DIAPH3: variants seen among roughly 807,000 people sequenced by gnomAD.
DIAPH3 encodes the protein diaphanous related formin 3.
DIAPH3 carries 117 observed loss-of-function variants against 144.3 expected under a neutral mutation model. The ratio of observed to expected loss-of-function variants is 0.81; its 90% CI spans 0.70 to 0.95. The LOEUF (loss-of-function observed/expected upper bound fraction) is 0.95. Ranked by LOEUF, DIAPH3 falls within the 40% of genes least tolerant of loss-of-function variation. The pLI, the probability that DIAPH3 is intolerant of heterozygous loss-of-function variation, is 0.00. For synonymous variants in DIAPH3, 519 were observed against 488.9 expected (o/e 1.06, Z -0.81); for missense variants, 1,421 against 1,412.7 (o/e 1.01, Z -0.09).
At chr13:59,745,379 G>C (rs578009774) in intron 27 of DIAPH3, among the ~76,000 whole-genome samples, 7 of 152,142 alleles carry the variant, frequency 4.6e-5, no homozygotes, top group Non-Finnish European at 8.8e-5. Context: ...TCCAATAGGG[G>C]ATCAGCAAAA....
intron 20 of DIAPH3, among the ~76,000 whole-genome samples, chr13:59,908,175 C>T (rs1437374042): frequency 3.3e-5 from 5 of 151,736 alleles, no homozygotes; most frequent in Non-Finnish European, 1.5e-5. Flanking sequence ...TCAAGACCAT[C>T]CTGGCCAACA....
intron 24 of DIAPH3, among the ~76,000 whole-genome samples, chr13:59,818,265 G>A (rs954040025): frequency 6.6e-6 from 1 of 151,838 alleles, no homozygotes; most frequent in South Asian, 2.1e-4. Context: ...ACATAAGGAT[G>A]TTGATGAAAA....
chr13:60,046,480 C>T (rs1404074021), intron 4 of DIAPH3, among the ~76,000 whole-genome samples: 6 of 152,154 alleles, frequency 3.9e-5, no homozygotes, highest in Non-Finnish European at 7.3e-5. Context: ...ACAACAGATG[C>T]TGGAGAGGAT....
intron 25 of DIAPH3, among the ~76,000 whole-genome samples, chr13:59,787,760 C>G (rs764458910): frequency 6.6e-6 from 1 of 152,148 alleles, no homozygotes; most frequent in Non-Finnish European, 1.5e-5. Flanking sequence ...TGTTCCCCCC[C>G]AACCCCAAAT....
intron 4 of DIAPH3, among the ~76,000 whole-genome samples, chr13:60,051,772 T>C (rs1015246843): frequency 6.6e-6 from 1 of 152,134 alleles, no homozygotes; most frequent in Non-Finnish European, 1.5e-5. Context: ...TGGTACCTTG[T>C]CAGATCTGAT....
At chr13:59,949,207 C>G (rs370917968) in intron 17 of DIAPH3, among the ~76,000 whole-genome samples, 7 of 152,240 alleles carry the variant, frequency 4.6e-5, no homozygotes, top group African/African-American at 1.4e-4. Context: ...AAAACTGGCA[C>G]ATGTTAAAGT....
At chr13:60,126,846 A>G (rs1450828024) in intron 2 of DIAPH3, among the ~76,000 whole-genome samples, 1 of 152,134 alleles carries the variant, frequency 6.6e-6, no homozygotes, top group Non-Finnish European at 1.5e-5. Context: ...CAATTCAATA[A>G]AATTTTGTGG....
At chr13:59,919,292 T>C (rs2047397510) in intron 18 of DIAPH3, among the ~76,000 whole-genome samples, 1 of 152,094 alleles carries the variant, frequency 6.6e-6, no homozygotes, top group African/African-American at 2.4e-5. Flanking sequence ...TGCAAAAAGA[T>C]ATAAATATCC....
At chr13:59,834,252 G>GA (rs2041928307) in intron 23 of DIAPH3, among the ~76,000 whole-genome samples, 1 of 151,578 alleles carries the variant, frequency 6.6e-6, no homozygotes, top group Non-Finnish European at 1.5e-5. Context: ...ACCATATCCA[G>GA]AAAAAATGAT....
intron 8 of DIAPH3, among the ~76,000 whole-genome samples, chr13:60,009,728 G>A (rs1323633163): frequency 3.3e-5 from 5 of 152,092 alleles, no homozygotes; most frequent in Admixed American, 1.3e-4. Context: ...CCATCAAGCC[G>A]AACCTGCTCA....
chr13:59,886,865 T>A (rs1372901788), intron 20 of DIAPH3, among the ~76,000 whole-genome samples: 1 of 152,076 alleles, frequency 6.6e-6, no homozygotes, highest in African/African-American at 2.4e-5. Context: ...AAAGATGGTA[T>A]ACTTTCTTTC....
intron 25 of DIAPH3, among the ~76,000 whole-genome samples, chr13:59,776,764 TCA>T (rs2038437143): frequency 6.6e-6 from 1 of 152,172 alleles, no homozygotes; most frequent in Non-Finnish European, 1.5e-5. Context: ...GTAGTGATTC[TCA>T]GACTATTGTG....
chr13:60,036,515 G>T (rs1412937723), intron 5 of DIAPH3, among the ~76,000 whole-genome samples: 2 of 151,786 alleles, frequency 1.3e-5, no homozygotes, highest in Admixed American at 6.6e-5. Flanking sequence ...AAACAGAGCT[G>T]CCTGCATTAC....
intron 5 of DIAPH3, among the ~76,000 whole-genome samples, chr13:60,031,332 C>T (rs2054777097): frequency 6.6e-6 from 1 of 152,110 alleles, no homozygotes; most frequent in Admixed American, 6.5e-5. Flanking sequence ...ATGATCCAAA[C>T]ACCTCCCCCA....
intron 24 of DIAPH3, among the ~76,000 whole-genome samples, chr13:59,829,659 T>C (rs1245382234): frequency 1.3e-5 from 2 of 151,936 alleles, no homozygotes; most frequent in Admixed American, 6.6e-5. Context: ...TTATATGCCA[T>C]GAATTGCACT....
chr13:59,769,419 C>G (rs930276261), intron 27 of DIAPH3, among the ~76,000 whole-genome samples: 1 of 152,134 alleles, frequency 6.6e-6, no homozygotes, highest in African/African-American at 2.4e-5. Flanking sequence ...GACTCCATTC[C>G]TAAGGTTCAG....
At chr13:59,968,535 G>C (rs1045475735) in intron 17 of DIAPH3, among the ~76,000 whole-genome samples, 1 of 152,046 alleles carries the variant, frequency 6.6e-6, no homozygotes. Flanking sequence ...AAATTTACTA[G>C]GGTGAGCTTG....
intron 21 of DIAPH3, among the ~76,000 whole-genome samples, chr13:59,873,303 G>C (rs1054841472): frequency 6.6e-6 from 1 of 152,024 alleles, no homozygotes; most frequent in Non-Finnish European, 1.5e-5. Flanking sequence ...AATGCAAATG[G>C]AACAATGGAT....
At chr13:59,885,901 C>T (rs2045414914) in intron 20 of DIAPH3, among the ~76,000 whole-genome samples, 1 of 152,072 alleles carries the variant, frequency 6.6e-6, no homozygotes, top group Non-Finnish European at 1.5e-5. Flanking sequence ...TCATTTATGA[C>T]TTCTGGACCC....
Sources: gnomAD v4.1 joint callset for allele counts (sites outside exome capture counted in the v4.1 genomes callset) on GRCh38, gnomAD v4.1.1 for gene constraint, MANE v1.5 for transcripts, NCBI Gene and HGNC (gene_info 2026-07-23, HGNC 2026-07-21) for gene names.